Variants in ASTN2 observed in about 807,000 individuals in gnomAD.
ASTN2 encodes astrotactin-2.
Under a neutral mutation model 139.8 loss-of-function variants are expected in ASTN2, and 54 were observed. That is an observed-to-expected ratio of 0.39 (90% confidence interval 0.31 to 0.48). The LOEUF (loss-of-function observed/expected upper bound fraction) is 0.48. Among genes scored for constraint, ASTN2 ranks in the 20% least tolerant of loss-of-function variants. ASTN2 has a pLI of 0.95. For missense variants in ASTN2, 1,565 were observed against 1,725.1 expected, an observed-to-expected ratio of 0.91 and a Z score of 1.64; for synonymous variants, 756 against 719.5, an observed-to-expected ratio of 1.05 and a Z score of -0.81.
intron 7 of ASTN2, among the ~76,000 whole-genome samples, chr9:116,998,355 G>C (rs967746244): frequency 3.3e-5 from 5 of 152,124 alleles, no homozygotes; most frequent in South Asian, 4.1e-4. Context: ...GAAAAGACCA[G>C]TGCTGCCCAA....
At chr9:117,084,483 T>C (rs537135686) in intron 5 of ASTN2, among the ~76,000 whole-genome samples, 20 of 152,344 alleles carry the variant, frequency 1.3e-4, no homozygotes, top group Non-Finnish European at 2.6e-4. Context: ...CGAAACCCAA[T>C]TCAAGCCACA....
At chr9:116,792,813 C>T (rs1258668586) in intron 13 of ASTN2, among the ~76,000 whole-genome samples, 1 of 152,128 alleles carries the variant, frequency 6.6e-6, no homozygotes, top group Non-Finnish European at 1.5e-5. Flanking sequence ...AACAACAATT[C>T]TTCATTCTCA....
chr9:116,474,514 T>C (rs1848916740), intron 20 of ASTN2, among the ~76,000 whole-genome samples: 1 of 152,152 alleles, frequency 6.6e-6, no homozygotes, highest in South Asian at 2.1e-4. Context: ...ACATCATTAA[T>C]GGTAATCCCT....
At chr9:116,884,155 C>A (rs1176700977) in intron 10 of ASTN2, among the ~76,000 whole-genome samples, 2 of 152,118 alleles carry the variant, frequency 1.3e-5, no homozygotes, top group Non-Finnish European at 2.9e-5. Flanking sequence ...CATCCCACAG[C>A]CAGACAGGCA....
chr9:116,815,804 C>CAAAAAAAAAAAAAAAAAAAAAAAAAAAA (rs55954354), intron 12 of ASTN2, among the ~76,000 whole-genome samples: 1 of 24,108 alleles, frequency 4.1e-5, no homozygotes, highest in African/African-American at 1.8e-4. Context: ...GACTCCGTCT[C>CAAAAAAAAAAAAAAAAAAAAAAAAAAAA]AAAAAAAAAA....
intron 12 of ASTN2, among the ~76,000 whole-genome samples, chr9:116,810,019 G>A (rs559650566): frequency 2.1e-4 from 32 of 152,282 alleles, no homozygotes; most frequent in African/African-American, 6.0e-4. Flanking sequence ...ATGCGTTCCC[G>A]ATGCATTCTA....
At chr9:117,070,781 C>T (rs1462061910) in intron 5 of ASTN2, among the ~76,000 whole-genome samples, 1 of 151,898 alleles carries the variant, frequency 6.6e-6, no homozygotes, top group Admixed American at 6.6e-5. Context: ...TGCTGACACC[C>T]TTTCTTCCAG....
chr9:116,924,794 C>G (rs12002288), intron 10 of ASTN2, among the ~76,000 whole-genome samples: 2 of 152,066 alleles, frequency 1.3e-5, no homozygotes, highest in Non-Finnish European at 2.9e-5. Flanking sequence ...TTTACTGCAA[C>G]CTGTTTTATT....
chr9:117,017,289 G>C (rs1837742663), intron 6 of ASTN2, among the ~76,000 whole-genome samples: 1 of 151,842 alleles, frequency 6.6e-6, no homozygotes. Flanking sequence ...GACTTCATTG[G>C]GAATTTAGGC....
chr9:117,035,135 A>G (rs552653649), intron 6 of ASTN2, among the ~76,000 whole-genome samples: 11 of 152,250 alleles, frequency 7.2e-5, no homozygotes, highest in Non-Finnish European at 1.5e-4. Flanking sequence ...CTTGGAACTC[A>G]TGGGGGTGAC....
At chr9:116,461,494 C>A (rs969333319) in intron 20 of ASTN2, among the ~76,000 whole-genome samples, 4 of 152,038 alleles carry the variant, frequency 2.6e-5, no homozygotes, top group African/African-American at 7.2e-5. Context: ...ATATAAAAAT[C>A]TGTGCACCTA....
At chr9:117,216,237 G>A (rs1832314741) in intron 2 of ASTN2, among the ~76,000 whole-genome samples, 1 of 152,202 alleles carries the variant, frequency 6.6e-6, no homozygotes, top group African/African-American at 2.4e-5. Context: ...CCTGCTGACT[G>A]TATTTGATAT....
intron 2 of ASTN2, among the ~76,000 whole-genome samples, chr9:117,258,374 C>T (rs1382088077): frequency 1.3e-5 from 2 of 152,134 alleles, no homozygotes; most frequent in Admixed American, 1.3e-4. Flanking sequence ...CGCAGCTCAG[C>T]CTCTCAACGC....
At chr9:117,060,130 G>C (rs141773880) in intron 5 of ASTN2, among the ~76,000 whole-genome samples, 2 of 151,730 alleles carry the variant, frequency 1.3e-5, no homozygotes, top group African/African-American at 4.9e-5. Flanking sequence ...GGCTAACATG[G>C]TGAAACCCCA....
At chr9:116,569,369 T>C (rs1218237127) in intron 19 of ASTN2, among the ~76,000 whole-genome samples, 2 of 152,238 alleles carry the variant, frequency 1.3e-5, no homozygotes, top group African/African-American at 2.4e-5. Context: ...ACGTAGTTCC[T>C]GGCACAATAT....
intron 13 of ASTN2, among the ~76,000 whole-genome samples, chr9:116,802,285 A>G (rs981352164): frequency 5.3e-5 from 8 of 151,770 alleles, no homozygotes; most frequent in African/African-American, 1.9e-4. Context: ...ACAGCATTTC[A>G]TCATGTTAGC....
chr9:117,067,514 T>A (rs1223400895), intron 5 of ASTN2, among the ~76,000 whole-genome samples: 1 of 134,154 alleles, frequency 7.5e-6, no homozygotes, highest in Non-Finnish European at 1.6e-5. Context: ...CCATATGAAC[T>A]TTAAAGTAGT....
intron 19 of ASTN2, among the ~76,000 whole-genome samples, chr9:116,609,850 A>C (rs920022347): frequency 1.3e-5 from 2 of 152,160 alleles, no homozygotes; most frequent in African/African-American, 4.8e-5. Flanking sequence ...TACTATTATA[A>C]GATTCCTATG....
intron 13 of ASTN2, among the ~76,000 whole-genome samples, chr9:116,799,706 T>TGGG (rs71379228): frequency 0.025 from 3,017 of 122,708 alleles, 106 homozygotes; most frequent in African/African-American, 0.082. Context: ...GGTAAGAGAG[T>TGGG]GGGGGGGGGG....
Sources: allele counts gnomAD v4.1 joint callset (sites outside exome capture counted in the v4.1 genomes callset), GRCh38; gene constraint gnomAD v4.1.1; transcripts MANE v1.5; gene names NCBI Gene and HGNC (gene_info 2026-07-23, HGNC 2026-07-21).